The following VPS37C variants were observed in gnomAD, a reference collection of about 807,000 sequenced individuals.
VPS37C encodes vacuolar protein sorting-associated protein 37C.
VPS37C carries 9 observed loss-of-function variants against 16.1 expected under a neutral mutation model. The ratio of observed to expected loss-of-function variants is 0.56; its 90% confidence interval spans 0.34 to 0.97. The LOEUF (loss-of-function observed/expected upper bound fraction) is 0.97. Ranked by LOEUF, VPS37C falls within the 50% of genes least tolerant of loss-of-function variation. The probability of loss-of-function intolerance (pLI) is 0.02; values close to 1 mark genes in which losing one functional copy is unlikely to be tolerated. For missense variants in VPS37C, 479 were observed against 472.7 expected, an observed-to-expected ratio of 1.01 and a Z score of -0.12; for synonymous variants, 207 against 206.4, an observed-to-expected ratio of 1.00 and a Z score of -0.02.
intron 2 of VPS37C, chr11:61,138,051 G>A (rs1399359956): frequency 5.3e-5 from 8 of 152,270 alleles, no homozygotes; most frequent in South Asian, 2.1e-4. Flanking sequence ...CATTGCTTGC[G>A]TGTGTGTCTC....
At chr11:61,133,121 T>G in intron 4 of VPS37C, 134 bp downstream of exon 4, 1 of 963,986 alleles carries the variant, frequency 1.0e-6, no homozygotes, top group Non-Finnish European at 1.6e-6. Context: ...GGACTAAAGA[T>G]GTCCTTCACC....
intron 1 of VPS37C, among the ~76,000 whole-genome samples, chr11:61,148,482 T>C (rs1853249437): frequency 6.6e-6 from 1 of 151,646 alleles, no homozygotes; most frequent in Admixed American, 6.6e-5. Context: ...AATGAGGAAA[T>C]ATTTGCAGGC....
At chr11:61,146,038 G>A (rs750438017) in intron 1 of VPS37C, among the ~76,000 whole-genome samples, 9 of 152,178 alleles carry the variant, frequency 5.9e-5, no homozygotes, top group Admixed American at 1.3e-4. Context: ...ACTCATCTTC[G>A]TCAACCCAAG....
Position 61,132,026 on chromosome 11 carries a change from C to G in VPS37C, c.862G>C (p.Gly288Arg). ...GASGPGYPLR[G>R]GRAPSPGYPQ... ...TAACCAGGACTGGGGGCCCTGCCTC[C>G]CCGCAAGGGGTACCCAGGCCCAGAG... Residue 288 changes from glycine (G) to arginine (R), a missense_variant, in exon 5 of 5, where the codon GGA becomes CGA. By Grantham distance (125) the Gly-to-Arg change is moderately radical (BLOSUM62 -2). Transcript: ENST00000301765. 7.3e-7 allele frequency: 1 copy of G among 1,373,904 alleles called. No homozygotes were observed. The highest frequency in any genetic ancestry group is 9.4e-7 in the Non-Finnish European group (1 of 1,059,694). 85.1% of individuals were successfully genotyped at this position (1,373,904 alleles called of 1,614,324 possible). A position where few individuals can be genotyped will look rare whatever the true frequency, so the allele number is the denominator to read the frequency against.
rs761522251 is a variant in VPS37C at position 61,131,461 on chromosome 11, A to G, written c.*359T>C. ...GGAGACCCGGGGCCTCCTCATAGAG[A>G]TAACTCTGCACTGGGTTCAAATGGC... On this transcript the variant is annotated 3_prime_UTR_variant, in exon 5 of 5. Transcript: ENST00000301765. The G allele has an allele frequency of 1.4e-5, 3 of 207,570 alleles. No homozygotes were observed. The highest frequency in any genetic ancestry group is 1.9e-5 in the Non-Finnish European group (2 of 104,670). 12.9% of individuals were successfully genotyped at this position (207,570 alleles called of 1,614,324 possible).
chr11:61,158,353 T>C (rs183904034), intron 1 of VPS37C, among the ~76,000 whole-genome samples: 25 of 152,304 alleles, frequency 1.6e-4, no homozygotes, highest in East Asian at 7.7e-4. Flanking sequence ...CACAGAAGAC[T>C]TGAACATTAC....
At chr11:61,157,762 T>C (rs1853401650) in intron 1 of VPS37C, among the ~76,000 whole-genome samples, 1 of 152,260 alleles carries the variant, frequency 6.6e-6, no homozygotes, top group Non-Finnish European at 1.5e-5. Flanking sequence ...CTTGGATATT[T>C]GTCTCCTCCA....
At chr11:61,147,536 A>G (rs896486828) in intron 1 of VPS37C, among the ~76,000 whole-genome samples, 19 of 152,098 alleles carry the variant, frequency 1.2e-4, no homozygotes, top group Non-Finnish European at 4.4e-5. Context: ...ACCGGGGTGG[A>G]AGGGGAACTC....
rs763168435 is a variant in VPS37C at position 61,134,124 on chromosome 11, G to A, written c.177C>T (p.Pro59=). 3.1e-6 allele frequency: 5 copies of A among 1,613,978 alleles called. No individual in the cohort carries two copies. Among genetic ancestry groups the A allele is most frequent in the Non-Finnish European group, 3.4e-6 (4 of 1,179,976 alleles). The change falls in exon 3 of 5, where the codon CCC becomes CCT. Residue 59 remains proline, a synonymous_variant. Transcript: ENST00000301765. ...LAERNLEFQG[P]LEISRSNLSD... is the part of the protein sequence containing the mutation. ...AGAGGTTTGAGCGGCTGATCTCCAG[G>A]GGACCCTGGAACTCCAAGTTCCGCT...
intron 1 of VPS37C, among the ~76,000 whole-genome samples, chr11:61,148,639 G>A (rs1414043534): frequency 6.6e-6 from 1 of 151,296 alleles, no homozygotes; most frequent in Non-Finnish European, 1.5e-5. Flanking sequence ...AAGCAGCACT[G>A]AACTGACTTT....
rs1398778559 is a variant in VPS37C, at chr11:61,132,353, C to T, written c.535G>A (p.Val179Met). The T allele has an allele frequency of 1.2e-5, 20 of 1,600,226 alleles. No homozygotes were observed. Among genetic ancestry groups the T allele is most frequent in the Non-Finnish European group, 1.6e-5 (19 of 1,173,402 alleles). Reference protein sequence around the residue: ...DAPPPRPPPPVRPVPQGTPPV... With the variant: ...DAPPPRPPPPMRPVPQGTPPV... ...GGTGTTCCCTGGGGGACTGGGCGCA[C>T]CGGGGGTGGTGGACGGGGTGGAGGG... is the stretch of plus-strand genomic sequence containing the variant. The change falls in exon 5 of 5, where the codon GTG becomes ATG. Residue 179 changes from valine to methionine, a missense_variant. Transcript: ENST00000301765.
rs1434778804 is a variant in VPS37C at position 61,148,528 on chromosome 11, T to A, written c.-6-9693A>T. ...TTTCTTTTCCCGGAATGATTCCAGC[T>A]GTGCGTCCAAGTACCAGACTCTTTT... On this transcript the variant is annotated intron_variant, in intron 1 of 4. Coordinates refer to ENST00000301765, the MANE Select transcript of VPS37C (RefSeq NM_017966.5). Among the ~76,000 whole-genome samples, 6 of 151,198 alleles carry A rather than the reference T, an allele frequency of 4.0e-5. No homozygotes were observed. The East Asian group carries it at 9.7e-4, about 24-fold the overall frequency.
intron 1 of VPS37C, among the ~76,000 whole-genome samples, chr11:61,141,139 T>C (rs558975271): frequency 6.6e-6 from 1 of 152,180 alleles, no homozygotes; most frequent in African/African-American, 2.4e-5. Flanking sequence ...AAGGCCAAGG[T>C]AGGCAGATCA....
rs200699427 is a variant in VPS37C, at chr11:61,133,323, C to G, written c.280G>C (p.Ala94Pro). ...QKAKLEKFSS[A>P]LQPGTLLDLL... ...TCTAACAAGGTCCCTGGCTGCAGTG[C>G]TGAAGAAAATTTCTCTGGAAGGGAG... The change falls in exon 4 of 5, where the codon GCA (alanine) becomes CCA (proline). Residue 94 changes from alanine (A) to proline (P), a missense_variant. Coordinates refer to ENST00000301765, the MANE Select transcript of VPS37C (RefSeq NM_017966.5). The G allele has an allele frequency of 1.9e-5, 31 of 1,614,004 alleles. 2 individuals are homozygous for G. The highest frequency in any genetic ancestry group is 7.7e-5 in the South Asian group (7 of 91,078).
At chr11:61,134,006 G>T (rs777535306) in intron 3 of VPS37C, 30 bp downstream of exon 3, 20 of 1,591,710 alleles carry the variant, frequency 1.3e-5, no homozygotes, top group Middle Eastern at 3.4e-4. Context: ...CCTGAATGGG[G>T]ACCCTGAGTT....
chr11:61,133,456 G>C (rs1044516382), intron 3 of VPS37C, 119 bp from the exon 4 acceptor site: 4 of 971,102 alleles, frequency 4.1e-6, no homozygotes, highest in South Asian at 1.6e-5. Context: ...GTCCACCAAA[G>C]GGTCCTTCTG....
At chr11:61,154,357 A>AT (rs1348648565) in intron 1 of VPS37C, among the ~76,000 whole-genome samples, 3 of 152,226 alleles carry the variant, frequency 2.0e-5, no homozygotes, top group Non-Finnish European at 2.9e-5. Context: ...AAGATTAAGC[A>AT]TGTTAGAGAC....
Position 61,132,094 on chromosome 11 carries a change from C to A in VPS37C, c.794G>T (p.Ser265Ile), listed in dbSNP as rs1471326933. The part of the protein sequence containing the change: ...AAGYSWSPQR[S>I]MPPRPGYPGT... Reference sequence around the variant, plus strand: ...AGGATAGCCCGGCCGGGGTGGCATGCTCCTCTGTGGGGACCAGGAGTAACC... The same window carrying A: ...AGGATAGCCCGGCCGGGGTGGCATGATCCTCTGTGGGGACCAGGAGTAACC... Residue 265 changes from serine to isoleucine, a missense_variant, in exon 5 of 5, where the codon AGC (serine) becomes ATC (isoleucine). Physicochemically the swap from Ser to Ile is moderately radical, Grantham distance 142. Coordinates refer to ENST00000301765, the MANE Select transcript of VPS37C (RefSeq NM_017966.5). 2.9e-6 allele frequency: 4 copies of A among 1,401,342 alleles called. No individual in the cohort carries two copies. In the East Asian group the frequency reaches 1.1e-4, roughly 40 times the overall value. The allele number at this position is 1,401,342 out of a possible 1,614,324, so 86.8% of individuals were successfully genotyped here.
intron 1 of VPS37C, 62 bp from the exon 2 acceptor site, chr11:61,138,897 C>T: frequency 6.7e-7 from 1 of 1,485,400 alleles, no homozygotes; most frequent in East Asian, 2.3e-5. Flanking sequence ...ACCCCCGAGC[C>T]TGTACATATG....
Sources: gnomAD v4.1 joint callset for allele counts (sites outside exome capture counted in the v4.1 genomes callset) on GRCh38, gnomAD v4.1.1 for gene constraint, MANE v1.5 for transcripts, NCBI Gene and HGNC (gene_info 2026-07-23, HGNC 2026-07-21) for gene names.